MGAT4C: variants seen among roughly 807,000 people sequenced by gnomAD.
MGAT4C encodes alpha-1,3-mannosyl-glycoprotein 4-beta-N-acetylglucosaminyltransferase C.
A neutral mutation model predicts 40.1 loss-of-function variants in MGAT4C; 19 were observed. That is an observed-to-expected ratio of 0.47 (90% confidence interval 0.33 to 0.70). MGAT4C has a LOEUF of 0.70. Among genes scored for constraint, MGAT4C ranks in the 30% least tolerant of loss-of-function variants. MGAT4C has a pLI of 0.02. For synonymous variants in MGAT4C, 181 were observed against 187.1 expected (o/e 0.97, Z 0.27); for missense variants, 491 against 563.2 (o/e 0.87, Z 1.30).
chr12:86,381,891 C>A (rs868254496), intron 3 of MGAT4C, among the ~76,000 whole-genome samples: 1 of 152,152 alleles, frequency 6.6e-6, no homozygotes. Flanking sequence ...AGTCTCCCTG[C>A]ACAAGCCATT....
At chr12:86,582,443 T>C (rs1235825393) in intron 2 of MGAT4C, among the ~76,000 whole-genome samples, 1 of 151,314 alleles carries the variant, frequency 6.6e-6, no homozygotes, top group East Asian at 1.9e-4. Context: ...ATTTGTTTGC[T>C]TGAAATTGAA....
chr12:86,655,001 C>A (rs1012033728), intron 2 of MGAT4C, among the ~76,000 whole-genome samples: 2 of 151,824 alleles, frequency 1.3e-5, no homozygotes, highest in Non-Finnish European at 2.9e-5. Context: ...ATTTTTGAAT[C>A]TTTTGCTCTT....
In MGAT4C at chr12:85,967,577, G is replaced by C. The variant is rs1883424988; in HGVS notation, c.*11712C>G. Reference sequence around the variant, plus strand: ...AACTGATCTCAAATTATTATTTTGAGGTGTATCCATTTATTTAAAAAAGCC... The same window carrying C: ...AACTGATCTCAAATTATTATTTTGACGTGTATCCATTTATTTAAAAAAGCC... On this transcript the variant is annotated 3_prime_UTR_variant, in exon 5 of 5. Transcript: ENST00000611864. 6.6e-6 allele frequency: 1 copy of C among 151,944 alleles called. No homozygotes were observed. Among genetic ancestry groups the C allele is most frequent in the Admixed American group, 6.6e-5 (1 of 15,224 alleles). The allele number at this position is 151,944 out of a possible 1,614,324, so 9.4% of individuals were successfully genotyped here.
At chr12:86,269,203 A>G (rs1018028172) in intron 4 of MGAT4C, among the ~76,000 whole-genome samples, 1 of 150,924 alleles carries the variant, frequency 6.6e-6, no homozygotes, top group East Asian at 1.9e-4. Context: ...TGTTATAATT[A>G]TATCTATTTG....
intron 4 of MGAT4C, among the ~76,000 whole-genome samples, chr12:86,264,809 C>T (rs1407275979): frequency 6.6e-6 from 1 of 152,216 alleles, no homozygotes; most frequent in Non-Finnish European, 1.5e-5. Context: ...TCTCCGATCT[C>T]AGAGCAAAGT....
At chr12:86,321,387 C>G (rs1204207399) in intron 4 of MGAT4C, among the ~76,000 whole-genome samples, 2 of 152,118 alleles carry the variant, frequency 1.3e-5, no homozygotes, top group Non-Finnish European at 2.9e-5. Flanking sequence ...ATCATTTACA[C>G]TTGGATGAAG....
At chr12:86,513,077 G>A (rs1958621106) in intron 2 of MGAT4C, among the ~76,000 whole-genome samples, 1 of 151,996 alleles carries the variant, frequency 6.6e-6, no homozygotes, top group Non-Finnish European at 1.5e-5. Flanking sequence ...ACTTGAGAGA[G>A]CCAATTAAAG....
In MGAT4C at chr12:86,587,684, C is replaced by T. The variant is rs1480592311; in HGVS notation, c.-229+139525G>A. ...TTCATGTCCCTTGTAAGGTGGATTCCTAGGTATTTTATTCTCTTTGAAGCA... is the reference window on the plus strand; with the variant it reads ...TTCATGTCCCTTGTAAGGTGGATTCTTAGGTATTTTATTCTCTTTGAAGCA... On this transcript the variant is annotated intron_variant, in intron 2 of 7. Transcript: ENST00000548651. 2.6e-5 allele frequency among the ~76,000 whole-genome samples: 4 copies of T among 151,820 alleles called. No individual in the cohort carries two copies. In the East Asian group the frequency reaches 7.8e-4, roughly 29 times the overall value.
intron 2 of MGAT4C, among the ~76,000 whole-genome samples, chr12:86,568,073 A>T (rs916272032): frequency 1.3e-5 from 2 of 152,116 alleles, no homozygotes; most frequent in Admixed American, 6.5e-5. Context: ...TGGACTTGTG[A>T]TGATGAATAC....
At chr12:85,985,993 T>A (rs1885154681) in intron 3 of MGAT4C, among the ~76,000 whole-genome samples, 1 of 152,310 alleles carries the variant, frequency 6.6e-6, no homozygotes, top group African/African-American at 2.4e-5. Flanking sequence ...AAAAATTCTA[T>A]CCTTAACACA....
intron 4 of MGAT4C, among the ~76,000 whole-genome samples, chr12:86,290,491 A>C (rs1953481622): frequency 6.6e-6 from 1 of 152,168 alleles, no homozygotes; most frequent in Admixed American, 6.5e-5. Context: ...GGATCCTTAA[A>C]GTGAGATATT....
chr12:86,457,354 C>G (rs1029776213), intron 2 of MGAT4C, among the ~76,000 whole-genome samples: 1 of 151,956 alleles, frequency 6.6e-6, no homozygotes, highest in Non-Finnish European at 1.5e-5. Flanking sequence ...AATTAATACC[C>G]AATCCTATTT....
intron 2 of MGAT4C, among the ~76,000 whole-genome samples, chr12:86,610,498 C>T (rs1014230721): frequency 2.0e-5 from 3 of 151,974 alleles, no homozygotes; most frequent in South Asian, 4.2e-4. Flanking sequence ...TATCTCATTG[C>T]GTCATTCTCC....
At chr12:85,991,936 G>T (rs73392038) in intron 2 of MGAT4C, among the ~76,000 whole-genome samples, 13,363 of 152,170 alleles carry the variant, frequency 0.088, 1,333 homozygotes, top group African/African-American at 0.25. Flanking sequence ...AATATGGCAG[G>T]GGTGGTGACC....
At chr12:86,701,640 T>C (rs1950366658) in intron 2 of MGAT4C, among the ~76,000 whole-genome samples, 1 of 152,136 alleles carries the variant, frequency 6.6e-6, no homozygotes, top group Admixed American at 6.6e-5. Context: ...AGGGTTGAAG[T>C]AAAAGAAAGA....
At chr12:86,699,952 A>G (rs1003605117) in intron 2 of MGAT4C, among the ~76,000 whole-genome samples, 8 of 151,822 alleles carry the variant, frequency 5.3e-5, no homozygotes, top group African/African-American at 1.9e-4. Flanking sequence ...GGAGCACTTG[A>G]TGTAATCGTT....
At chr12:86,498,288 C>G (rs2136330978) in intron 2 of MGAT4C, among the ~76,000 whole-genome samples, 1 of 151,534 alleles carries the variant, frequency 6.6e-6, no homozygotes, top group Admixed American at 6.6e-5. Flanking sequence ...CCTTGAACAA[C>G]AGAGGTTTGA....
Position 85,976,084 on chromosome 12 carries a change from ATGTT to A in MGAT4C, c.*3201_*3204del, listed in dbSNP as rs957366930. On this transcript the variant is annotated 3_prime_UTR_variant, in exon 5 of 5. Coordinates refer to ENST00000611864, the MANE Select transcript of MGAT4C (RefSeq NM_001351288.2). The stretch of plus-strand genomic sequence containing the variant: ...CCACATCATATATTACAATTTGAAA[ATGTT>A]TGTTTCATTTTTTATATAATTATTA... The A allele has an allele frequency of 2.0e-5, 3 of 151,068 alleles. No individual in the cohort carries two copies. Among genetic ancestry groups the A allele is most frequent in the African/African-American group, 7.3e-5 (3 of 41,338 alleles). The allele number at this position is 151,068 out of a possible 1,614,324, so 9.4% of individuals were successfully genotyped here.
chr12:86,611,067 T>C (rs1181921971), intron 2 of MGAT4C, among the ~76,000 whole-genome samples: 1 of 151,366 alleles, frequency 6.6e-6, no homozygotes, highest in East Asian at 1.9e-4. Context: ...GGTGTGAACA[T>C]AGATCCTGAA....
Sources: gnomAD v4.1 joint callset for allele counts (sites outside exome capture counted in the v4.1 genomes callset) on GRCh38, gnomAD v4.1.1 for gene constraint, MANE v1.5 for transcripts, NCBI Gene and HGNC (gene_info 2026-07-23, HGNC 2026-07-21) for gene names.